The following MYL1 variants were observed in gnomAD, a reference collection of about 807,000 sequenced individuals.
MYL1 encodes the protein myosin light chain 1/3, skeletal muscle isoform.
Under a neutral mutation model 21.8 loss-of-function variants are expected in MYL1, and 16 were observed. That is an observed-to-expected ratio of 0.74 (90% CI 0.50 to 1.12). The LOEUF (loss-of-function observed/expected upper bound fraction) is 1.12. MYL1 is among the 50% of genes most tolerant of loss of function. MYL1 has a pLI of 0.00. For synonymous variants in MYL1, 99 were observed against 85.2 expected (o/e 1.16, Z -0.89); for missense variants, 246 against 241.0 (o/e 1.02, Z -0.14).
chr2:210,294,416 G>T lies in MYL1; in HGVS notation c.307C>A (p.Leu103Met), dbSNP rs1575702015. The T allele has an allele frequency of 5.6e-6, 9 of 1,612,950 alleles. No homozygotes were observed. The highest frequency in any genetic ancestry group is 2.2e-5 in the East Asian group (1 of 44,848). ...TCAAACTCAATTTTCTTGGCATTCA[G>T]CTCTGTAAGAAATTGCAATTTTGAG... ...KVLGNPSNEE[L>M]NAKKIEFEQF... The change falls in exon 4 of 7, where the codon CTG becomes ATG. Residue 103 changes from leucine to methionine, a missense_variant and splice_region_variant. By Grantham distance (15) the Leu-to-Met change is conservative. Coordinates refer to ENST00000352451, the MANE Select transcript of MYL1 (RefSeq NM_079420.3).
chr2:210,293,863 G>T, intron 4 of MYL1, 63 bp from the exon 5 acceptor site: 3 of 1,447,016 alleles, frequency 2.1e-6, no homozygotes, highest in South Asian at 1.1e-5. Flanking sequence ...ATCCACCATA[G>T]GTCATCAGTC....
Position 210,293,708 on chromosome 2 carries a change from G to A in MYL1, c.556+15C>T. 2 of 1,612,094 alleles carry A rather than the reference G, an allele frequency of 1.2e-6. No individual in the cohort carries two copies. The highest frequency in any genetic ancestry group is 3.3e-5 in the Admixed American group (2 of 59,986). On this transcript the variant is annotated intron_variant, in intron 5 of 6. Coordinates refer to ENST00000352451, the MANE Select transcript of MYL1 (RefSeq NM_079420.3). ...GTTAAGAGTTGCTGTAACCACCAGT[G>A]AGCATTGATTCTACCTTCGTAGTTG... is the stretch of plus-strand genomic sequence containing the variant.
intron 1 of MYL1, among the ~76,000 whole-genome samples, chr2:210,304,148 A>G (rs1430200795): frequency 6.6e-6 from 1 of 152,186 alleles, no homozygotes; most frequent in Non-Finnish European, 1.5e-5. Flanking sequence ...CACCCAAGTG[A>G]CAATCTGGTC....
chr2:210,299,343 G>T (rs1690230061), intron 2 of MYL1, among the ~76,000 whole-genome samples: 1 of 152,062 alleles, frequency 6.6e-6, no homozygotes, highest in South Asian at 2.1e-4. Flanking sequence ...TCTAAGAAAT[G>T]ATACAGAAAG....
At chr2:210,311,955 C>T (rs1690425094) in intron 1 of MYL1, among the ~76,000 whole-genome samples, 1 of 151,940 alleles carries the variant, frequency 6.6e-6, no homozygotes, top group South Asian at 2.1e-4. Context: ...GTAAGCATTC[C>T]TTCAGAGAGT....
chr2:210,310,183 G>C (rs1017041959), intron 1 of MYL1, among the ~76,000 whole-genome samples: 3 of 152,026 alleles, frequency 2.0e-5, no homozygotes, highest in African/African-American at 7.2e-5. Context: ...TAAAAGGCCA[G>C]AGTAAAAGAA....
At chr2:210,305,944 C>T (rs1690336256) in intron 1 of MYL1, among the ~76,000 whole-genome samples, 1 of 151,954 alleles carries the variant, frequency 6.6e-6, no homozygotes, top group African/African-American at 2.4e-5. Flanking sequence ...CCTGTAATCC[C>T]AGCTACTGGG....
At chr2:210,296,964 C>T (rs1690182333) in intron 3 of MYL1, among the ~76,000 whole-genome samples, 1 of 148,652 alleles carries the variant, frequency 6.7e-6, no homozygotes, top group Non-Finnish European at 1.5e-5. Flanking sequence ...AATAAAATTT[C>T]ATTTTTTATG....
intron 1 of MYL1, among the ~76,000 whole-genome samples, chr2:210,312,387 G>T (rs1292785620): frequency 1.3e-5 from 2 of 151,270 alleles, no homozygotes; most frequent in Admixed American, 6.6e-5. Flanking sequence ...TTTCTTTAAA[G>T]TTCATTTTCT....
intron 1 of MYL1, among the ~76,000 whole-genome samples, chr2:210,313,034 C>T (rs1690440004): frequency 1.3e-5 from 2 of 151,738 alleles, no homozygotes; most frequent in African/African-American, 2.4e-5. Context: ...AAAAGTGTTG[C>T]TTCTCTGCTG....
chr2:210,314,794 C>A, intron 1 of MYL1, 117 bp downstream of exon 1: 2 of 1,135,092 alleles, frequency 1.8e-6, no homozygotes, highest in Non-Finnish European at 2.6e-6. Flanking sequence ...TCATAATCTA[C>A]CAGCTCACTA....
chr2:210,300,069 G>A (rs1690240765), intron 2 of MYL1, among the ~76,000 whole-genome samples: 1 of 152,004 alleles, frequency 6.6e-6, no homozygotes, highest in South Asian at 2.1e-4. Context: ...CTTGCTGCAG[G>A]CACTGAGAAG....
intron 1 of MYL1, among the ~76,000 whole-genome samples, chr2:210,311,741 A>G (rs1204181788): frequency 1.3e-5 from 2 of 152,058 alleles, no homozygotes; most frequent in South Asian, 2.1e-4. Context: ...TGAACCTACA[A>G]CCATACTTAT....
chr2:210,293,775 C>T lies in MYL1; in HGVS notation c.504G>A (p.Val168=), dbSNP rs1559659205. The T allele has an allele frequency of 9.9e-6, 16 of 1,614,030 alleles. No homozygotes were observed. The highest frequency in any genetic ancestry group is 1.3e-5 in the Non-Finnish European group (15 of 1,179,940). The part of the protein sequence containing the change: ...TLGEKMKEEE[V]EALMAGQEDS... ...CTTCTTGACCTGCCATCAGGGCTTC[C>T]ACTTCTTCCTCTTTCATCTTTTCAC... Residue 168 remains valine, a synonymous_variant, in exon 5 of 7, where the codon GTG becomes GTA. Coordinates refer to ENST00000352451, the MANE Select transcript of MYL1 (RefSeq NM_079420.3).
At chr2:210,309,460 T>G (rs1304685330) in intron 1 of MYL1, among the ~76,000 whole-genome samples, 1 of 152,058 alleles carries the variant, frequency 6.6e-6, no homozygotes, top group Non-Finnish European at 1.5e-5. Flanking sequence ...TGTTATTAAT[T>G]TGTGACCAGA....
chr2:210,309,603 G>T (rs1690388569), intron 1 of MYL1, among the ~76,000 whole-genome samples: 1 of 151,964 alleles, frequency 6.6e-6, no homozygotes, highest in Non-Finnish European at 1.5e-5. Context: ...AGTTGATATA[G>T]AAACAAATCA....
At chr2:210,297,002 TG>T (rs1690183281) in intron 3 of MYL1, among the ~76,000 whole-genome samples, 2 of 140,024 alleles carry the variant, frequency 1.4e-5, no homozygotes, top group Admixed American at 7.0e-5. Flanking sequence ...TGTGTGTGTG[TG>T]TGTGTGTGTG....
At chr2:210,300,839 A>ATG (rs1307201930) in intron 2 of MYL1, among the ~76,000 whole-genome samples, 1 of 152,158 alleles carries the variant, frequency 6.6e-6, no homozygotes, top group Non-Finnish European at 1.5e-5. Context: ...GATAGATTCC[A>ATG]ATAGAGCAGC....
chr2:210,311,082 G>T (rs1323495751), intron 1 of MYL1, among the ~76,000 whole-genome samples: 1 of 151,962 alleles, frequency 6.6e-6, no homozygotes, highest in African/African-American at 2.4e-5. Context: ...AGATAACATG[G>T]CAAAGAGCAA....
Sources: gnomAD v4.1 joint callset for allele counts (sites outside exome capture counted in the v4.1 genomes callset) on GRCh38, gnomAD v4.1.1 for gene constraint, MANE v1.5 for transcripts, NCBI Gene and HGNC (gene_info 2026-07-23, HGNC 2026-07-21) for gene names.